Variants in MACF1 observed in about 807,000 individuals in gnomAD.
MACF1 encodes the protein microtubule actin crosslinking factor 1.
Under a neutral mutation model 854.8 loss-of-function variants are expected in MACF1, and 193 were observed. That is an observed-to-expected ratio of 0.23 (90% confidence interval 0.20 to 0.25). The LOEUF is 0.25. Ranked by LOEUF, MACF1 falls within the 10% of genes least tolerant of loss-of-function variation. The probability of loss-of-function intolerance (pLI) is 1.00; values close to 1 mark genes in which losing one functional copy is unlikely to be tolerated. For missense variants in MACF1, 7,722 were observed against 8,929.1 expected, an observed-to-expected ratio of 0.86 and a Z score of 5.45; for synonymous variants, 3,185 against 3,226.7, an observed-to-expected ratio of 0.99 and a Z score of 0.44.
At chr1:39,393,196 A>AAAAAAAAAAAAATATATATAT (rs57576149) in intron 58 of MACF1, among the ~76,000 whole-genome samples, 5 of 66,562 alleles carry the variant, frequency 7.5e-5, no homozygotes, top group Admixed American at 3.3e-4. Context: ...AAAAAAAAAA[A>AAAAAAAAAAAAATATATATAT]ATATATATAT....
chr1:39,109,019 G>T (rs1279060460), intron 2 of MACF1, among the ~76,000 whole-genome samples: 2 of 152,174 alleles, frequency 1.3e-5, no homozygotes, highest in Non-Finnish European at 2.9e-5. Context: ...AGGGTTACAA[G>T]TGAAGAGTCT....
At chr1:39,341,796 A>T (rs1646941018) in intron 40 of MACF1, among the ~76,000 whole-genome samples, 1 of 151,526 alleles carries the variant, frequency 6.6e-6, no homozygotes, top group African/African-American at 2.4e-5. Context: ...ACCTGTTATT[A>T]TCAATCTCAT....
In MACF1 at chr1:39,333,996, A is replaced by G. The variant is rs1480588987; in HGVS notation, c.7408A>G (p.Ile2470Val). The change falls in exon 37 of 101, where the codon ATA (isoleucine) becomes GTA (valine). Residue 2470 changes from isoleucine (I) to valine (V), a missense_variant. Ile to Val is a conservative substitution (Grantham distance 29). Coordinates refer to ENST00000564288, the MANE Select transcript of MACF1 (RefSeq NM_001394062.1). ...ISLQMETTGL[I>V]DPDSKAPLTV... is the part of the protein sequence containing the mutation. ...TTTACAAATGGAAACAACAGGACTT[A>G]TAGACCCTGATAGTAAAGCACCTTT... is the stretch of plus-strand genomic sequence containing the variant. 2.0e-5 allele frequency: 32 copies of G among 1,614,226 alleles called. No individual in the cohort carries two copies. The highest frequency in any genetic ancestry group is 2.7e-5 in the Non-Finnish European group (32 of 1,180,032).
chr1:39,305,619 T>C (rs966731259), intron 23 of MACF1, among the ~76,000 whole-genome samples: 1 of 152,244 alleles, frequency 6.6e-6, no homozygotes, highest in Non-Finnish European at 1.5e-5. Context: ...TTTAAGTTGC[T>C]ATTTTTGTTT....
At chr1:39,353,332 G>A (rs1371084164) in intron 44 of MACF1, 101 bp downstream of exon 44, 1 of 805,178 alleles carries the variant, frequency 1.2e-6, no homozygotes, top group East Asian at 2.6e-5. Flanking sequence ...GCACTTCTCA[G>A]TTTGTATCTT....
intron 2 of MACF1, among the ~76,000 whole-genome samples, chr1:39,194,291 T>C (rs1161944346): frequency 6.6e-6 from 1 of 151,056 alleles, no homozygotes; most frequent in Non-Finnish European, 1.5e-5. Context: ...GCAGAATCCA[T>C]ATCCGGAGGG....
chr1:39,322,524 A>G (rs1646533611), intron 31 of MACF1, 84 bp from the exon 32 acceptor site: 1 of 1,217,308 alleles, frequency 8.2e-7, no homozygotes, highest in Non-Finnish European at 1.2e-6. Flanking sequence ...AAACGCTTCC[A>G]GCAATAAAAA....
Position 39,404,149 on chromosome 1 carries a change from G to GTAAATAAA in MACF1, c.15816+15520_15816+15527dup, listed in dbSNP as rs60859213. Among the ~76,000 whole-genome samples the GTAAATAAA allele has an allele frequency of 4.1e-3, 603 of 148,532 alleles. 2 individuals carry two copies. The highest frequency in any genetic ancestry group is 6.5e-3 in the African/African-American group (260 of 40,002). The stretch of plus-strand genomic sequence containing the variant: ...CTCAAAAAAATAAATAAATAAGTAA[G>GTAAATAAA]TAAATAAATAAATAAATAAATAAAT... On this transcript the variant is annotated intron_variant, in intron 58 of 100. Transcript: ENST00000564288.
chr1:39,200,591 T>C (rs1224498337), upstream of MACF1, among the ~76,000 whole-genome samples: 10 of 151,558 alleles, frequency 6.6e-5, no homozygotes, highest in Non-Finnish European at 1.2e-4. Flanking sequence ...CCCAGCTTCT[T>C]GGGAGGCTGA....
chr1:39,357,477 GAGC>G lies in MACF1; in HGVS notation c.11529_11531del (p.Gln3845del). ...GCATGGCCACAATCTCACACCTGAG[GAGC>G]AACAGATGCTGCAACAGAAGCTGGG... On this transcript the variant is annotated inframe_deletion, in exon 45 of 101. Transcript: ENST00000564288. 1 of 1,614,102 alleles carries G rather than the reference GAGC, an allele frequency of 6.2e-7. No homozygotes were observed. Among genetic ancestry groups the G allele is most frequent in the Non-Finnish European group, 8.5e-7 (1 of 1,180,026 alleles).
chr1:39,351,960 G>C (rs1049156669), intron 43 of MACF1, among the ~76,000 whole-genome samples: 8 of 152,152 alleles, frequency 5.3e-5, no homozygotes, highest in African/African-American at 1.4e-4. Flanking sequence ...TGAAGTCTTA[G>C]TGAGCCAAAA....
chr1:39,345,190 G>A (rs1272284554), intron 40 of MACF1, among the ~76,000 whole-genome samples: 1 of 152,204 alleles, frequency 6.6e-6, no homozygotes, highest in Admixed American at 6.5e-5. Context: ...TTAATAGTCT[G>A]AAAACAGATG....
chr1:39,100,577 G>A (rs1184632470), intron 2 of MACF1, among the ~76,000 whole-genome samples: 3 of 152,192 alleles, frequency 2.0e-5, no homozygotes, highest in African/African-American at 2.4e-5. Flanking sequence ...ATTTAGGCCG[G>A]GTGCGGTGGC....
At chr1:39,300,460 C>A in intron 22 of MACF1, 98 bp downstream of exon 22, 6 of 1,211,300 alleles carry the variant, frequency 5.0e-6, no homozygotes, top group South Asian at 3.6e-5. Flanking sequence ...CAAATTACAG[C>A]GTTTTTAAAA....
intron 2 of MACF1, among the ~76,000 whole-genome samples, chr1:39,102,059 C>T (rs1425750656): frequency 6.6e-6 from 1 of 151,560 alleles, no homozygotes; most frequent in East Asian, 1.9e-4. Flanking sequence ...GCCTGTAGTC[C>T]CAGCTACTCG....
At chr1:39,201,955 C>CTTTTTTTTTTT (rs748333630), upstream of MACF1, among the ~76,000 whole-genome samples, 1 of 52,310 alleles carries the variant, frequency 1.9e-5, no homozygotes, top group African/African-American at 8.7e-5. Context: ...TGCTCATATT[C>CTTTTTTTTTTT]TTTTTTTTTT....
At chr1:39,456,233 C>T (rs1275460915) in intron 89 of MACF1, among the ~76,000 whole-genome samples, 2 of 152,134 alleles carry the variant, frequency 1.3e-5, no homozygotes, top group African/African-American at 4.8e-5. Flanking sequence ...ACTCAGGCGG[C>T]TGAGGCAAGA....
chr1:39,418,164 T>G (rs996925736), intron 58 of MACF1, among the ~76,000 whole-genome samples: 2 of 151,850 alleles, frequency 1.3e-5, no homozygotes, highest in Admixed American at 6.6e-5. Context: ...GCTGAGGGAG[T>G]TATCAAGGGT....
chr1:39,121,761 T>A (rs1642721176), intron 2 of MACF1, among the ~76,000 whole-genome samples: 1 of 152,170 alleles, frequency 6.6e-6, no homozygotes, highest in Admixed American at 6.5e-5. Context: ...CTTATTTAAT[T>A]GTCATAAATG....
Sources: gnomAD v4.1 joint callset for allele counts (sites outside exome capture counted in the v4.1 genomes callset) on GRCh38, gnomAD v4.1.1 for gene constraint, MANE v1.5 for transcripts, NCBI Gene and HGNC (gene_info 2026-07-23, HGNC 2026-07-21) for gene names.